The following PLPPR1 variants were observed in gnomAD, a reference collection of about 807,000 sequenced individuals.
PLPPR1 encodes phospholipid phosphatase related 1.
Under a neutral mutation model 33.1 loss-of-function variants are expected in PLPPR1, and 10 were observed. The ratio of observed to expected loss-of-function variants is 0.30; its 90% CI spans 0.19 to 0.51. The LOEUF (loss-of-function observed/expected upper bound fraction) is 0.51, where lower values mean the gene tolerates loss of function less well. Ranked by LOEUF, PLPPR1 falls within the 20% of genes least tolerant of loss-of-function variation. PLPPR1 has a pLI of 0.97. For synonymous variants in PLPPR1, 151 were observed against 151.0 expected (o/e 1.00, Z 0.00); for missense variants, 304 against 408.1 (o/e 0.74, Z 2.20).
At position 101,237,956 on chromosome 9, in the gene PLPPR1, C is replaced by T. The variant is rs560942675; in HGVS notation, c.64-31924C>T. 6.1e-3 allele frequency among the ~76,000 whole-genome samples: 739 copies of T among 120,952 alleles called. 8 individuals carry two copies. Among genetic ancestry groups the T allele is most frequent in the African/African-American group, 0.022 (667 of 30,764 alleles). 79.3% of individuals were successfully genotyped at this position (120,952 alleles called of 152,430 possible). Reference sequence around the variant, plus strand: ...TATATATATATGCTATATATATATACACACACACACAGGCTATATAGCCTA... The same window carrying T: ...TATATATATATGCTATATATATATATACACACACACAGGCTATATAGCCTA... On this transcript the variant is annotated intron_variant, in intron 2 of 7. Coordinates refer to ENST00000374874, the MANE Select transcript of PLPPR1 (RefSeq NM_207299.2).
At chr9:101,081,853 A>G (rs1458100606) in intron 1 of PLPPR1, among the ~76,000 whole-genome samples, 1 of 152,224 alleles carries the variant, frequency 6.6e-6, no homozygotes, top group Non-Finnish European at 1.5e-5. Flanking sequence ...CTGAATTGAC[A>G]CAGAGCTAGG....
rs1826985759 is a variant in PLPPR1 at position 101,223,161 on chromosome 9, AAAAAAAAAAAAG to A, written c.63+37609_63+37620del. Among the ~76,000 whole-genome samples the A allele has an allele frequency of 2.3e-5, 3 of 131,932 alleles. No homozygotes were observed. The South Asian group carries it at 9.3e-4, about 41-fold the overall frequency. 86.6% of individuals were successfully genotyped at this position (131,932 alleles called of 152,430 possible). A position where few individuals can be genotyped will look rare whatever the true frequency, so the allele number is the denominator to read the frequency against. On this transcript the variant is annotated intron_variant, in intron 2 of 7. Coordinates refer to ENST00000374874, the MANE Select transcript of PLPPR1 (RefSeq NM_207299.2). ...GACCCATCTCTACAAAAAAAAAAAAAAAAAAAAAAAAGAAAAGAAAAATTTTTAGCTGGGCAC... is the reference window on the plus strand; with the variant it reads ...GACCCATCTCTACAAAAAAAAAAAAAAAAAGAAAAATTTTTAGCTGGGCAC...
Position 101,309,426 on chromosome 9 carries a change from G to A in PLPPR1, c.601G>A (p.Ala201Thr), listed in dbSNP as rs1318531360. 1.2e-6 allele frequency: 2 copies of A among 1,614,054 alleles called. No individual in the cohort carries two copies. Among genetic ancestry groups the A allele is most frequent in the Non-Finnish European group, 1.7e-6 (2 of 1,180,008 alleles). Reference protein sequence around the residue: ...KARRSFPSKHAALSIYSALYA... With the variant: ...KARRSFPSKHTALSIYSALYA... ...TCGGAGATCCTTTCCCTCCAAACAC[G>A]CTGCTCTGAGCATTTACTCCGCCTT... Residue 201 changes from alanine to threonine, a missense_variant, in exon 5 of 8, where the codon GCT becomes ACT. Transcript: ENST00000374874.
At chr9:101,051,275 T>TACTA (rs1564130773) in intron 1 of PLPPR1, among the ~76,000 whole-genome samples, 62 of 143,390 alleles carry the variant, frequency 4.3e-4, no homozygotes, top group East Asian at 4.1e-3. Flanking sequence ...TACTACTACT[T>TACTA]CTACTACTAC....
Position 101,200,046 on chromosome 9 carries a change from A to C in PLPPR1, c.63+14489A>C, listed in dbSNP as rs552933599. Among the ~76,000 whole-genome samples, 18 of 152,296 alleles carry C rather than the reference A, an allele frequency of 1.2e-4. 1 individual carries two copies. In the South Asian group the frequency reaches 3.7e-3, roughly 32 times the overall value. On this transcript the variant is annotated intron_variant, in intron 2 of 7. Coordinates refer to ENST00000374874, the MANE Select transcript of PLPPR1 (RefSeq NM_207299.2). Reference sequence around the variant, plus strand: ...GGGGCCTTGCAAACAGTTCTGGAACAGATAGGATTCTCTGTCCTCTGCCTG... The same window carrying C: ...GGGGCCTTGCAAACAGTTCTGGAACCGATAGGATTCTCTGTCCTCTGCCTG...
At chr9:101,272,401 C>A (rs751947912) in intron 3 of PLPPR1, among the ~76,000 whole-genome samples, 5 of 152,094 alleles carry the variant, frequency 3.3e-5, no homozygotes, top group Non-Finnish European at 7.4e-5. Flanking sequence ...GTATGTAAAG[C>A]GCTTAGAAAG....
At chr9:101,136,661 A>G (rs2118623430) in intron 1 of PLPPR1, among the ~76,000 whole-genome samples, 1 of 152,280 alleles carries the variant, frequency 6.6e-6, no homozygotes, top group East Asian at 1.9e-4. Context: ...TAAGAACTTT[A>G]TGTACGGAAG....
At chr9:101,046,580 CCT>C (rs1830150694) in intron 1 of PLPPR1, among the ~76,000 whole-genome samples, 1 of 151,750 alleles carries the variant, frequency 6.6e-6, no homozygotes, top group Non-Finnish European at 1.5e-5. Flanking sequence ...GCTGGGACTA[CCT>C]GCGTCTGCCA....
chr9:101,292,398 C>A (rs1031735058), intron 4 of PLPPR1, among the ~76,000 whole-genome samples: 4 of 152,166 alleles, frequency 2.6e-5, no homozygotes, highest in African/African-American at 9.7e-5. Context: ...CTTCCCCAAT[C>A]TAGCAAGGCA....
At chr9:101,298,987 C>T (rs1379101969) in intron 4 of PLPPR1, among the ~76,000 whole-genome samples, 2 of 152,110 alleles carry the variant, frequency 1.3e-5, no homozygotes, top group African/African-American at 4.8e-5. Flanking sequence ...GCCCAGGGAA[C>T]CAGGCCAGCT....
At chr9:101,266,977 C>A (rs1488763707) in intron 2 of PLPPR1, among the ~76,000 whole-genome samples, 1 of 152,116 alleles carries the variant, frequency 6.6e-6, no homozygotes, top group Non-Finnish European at 1.5e-5. Context: ...CAGAAGCCCC[C>A]ATAGATCTTG....
chr9:101,129,435 T>G (rs2118609160), intron 1 of PLPPR1, among the ~76,000 whole-genome samples: 1 of 152,332 alleles, frequency 6.6e-6, no homozygotes, highest in Non-Finnish European at 1.5e-5. Context: ...AGTAGTTGTA[T>G]TTGTAACAGC....
At chr9:101,201,715 T>G (rs553722278) in intron 2 of PLPPR1, among the ~76,000 whole-genome samples, 79 of 152,300 alleles carry the variant, frequency 5.2e-4, no homozygotes, top group Non-Finnish European at 7.8e-4. Flanking sequence ...AAAGCTAGCC[T>G]TGTATCAGTT....
At chr9:101,158,578 T>G (rs1451811246) in intron 1 of PLPPR1, among the ~76,000 whole-genome samples, 2 of 152,216 alleles carry the variant, frequency 1.3e-5, no homozygotes, top group Admixed American at 1.3e-4. Context: ...GCTATCATCA[T>G]GAGTCGCTGG....
chr9:101,203,096 A>C (rs1826521579), intron 2 of PLPPR1, among the ~76,000 whole-genome samples: 1 of 152,202 alleles, frequency 6.6e-6, no homozygotes, highest in Admixed American at 6.5e-5. Flanking sequence ...TACATGTTTT[A>C]AACAGTATCA....
At chr9:101,247,003 C>T (rs754032488) in intron 2 of PLPPR1, among the ~76,000 whole-genome samples, 23 of 151,942 alleles carry the variant, frequency 1.5e-4, no homozygotes, top group Non-Finnish European at 3.2e-4. Context: ...CACATCAGCA[C>T]ACATCTCTAC....
At chr9:101,129,954 G>T (rs192223307) in intron 1 of PLPPR1, among the ~76,000 whole-genome samples, 47 of 152,068 alleles carry the variant, frequency 3.1e-4, no homozygotes, top group Non-Finnish European at 5.4e-4. Context: ...TTCCATTTAC[G>T]TAAAATTCTA....
At chr9:101,054,790 G>T (rs1311381069) in intron 1 of PLPPR1, among the ~76,000 whole-genome samples, 3 of 152,094 alleles carry the variant, frequency 2.0e-5, no homozygotes, top group Non-Finnish European at 2.9e-5. Flanking sequence ...CCACTATGCC[G>T]CAAAACCTCT....
intron 1 of PLPPR1, among the ~76,000 whole-genome samples, chr9:101,120,750 T>C (rs939413333): frequency 4.0e-5 from 6 of 151,276 alleles, no homozygotes; most frequent in Non-Finnish European, 7.4e-5. Flanking sequence ...ACATCCCAAA[T>C]GGCTTAAGAA....
Sources: gnomAD v4.1 joint callset for allele counts (sites outside exome capture counted in the v4.1 genomes callset) on GRCh38, gnomAD v4.1.1 for gene constraint, MANE v1.5 for transcripts, NCBI Gene and HGNC (gene_info 2026-07-23, HGNC 2026-07-21) for gene names.